ALPK2: variants seen among roughly 807,000 people sequenced by gnomAD.
The protein encoded by ALPK2 is alpha kinase 2.
ALPK2 carries 127 observed loss-of-function variants against 163.1 expected under a neutral mutation model. That is an observed-to-expected ratio of 0.78 (90% CI 0.67 to 0.90). The LOEUF is 0.90. ALPK2 is among the 40% of genes least tolerant of loss of function. The pLI, the probability that ALPK2 is intolerant of heterozygous loss-of-function variation, is 0.00. For synonymous variants in ALPK2, 953 were observed against 959.1 expected (o/e 0.99, Z 0.12); for missense variants, 2,360 against 2,589.6 (o/e 0.91, Z 1.92).
chr18:58,598,948 AGT>A (rs1295944272), intron 3 of ALPK2, among the ~76,000 whole-genome samples: 1 of 152,174 alleles, frequency 6.6e-6, no homozygotes, highest in Non-Finnish European at 1.5e-5. Context: ...GACAGTTTTC[AGT>A]GACAGTACTT....
At chr18:58,586,331 A>C (rs1234025278) in intron 3 of ALPK2, among the ~76,000 whole-genome samples, 1 of 152,220 alleles carries the variant, frequency 6.6e-6, no homozygotes, top group African/African-American at 2.4e-5. Context: ...CAGAGGAAGG[A>C]TCCCTGAAAA....
chr18:58,502,134 CCACACACACACA>C (rs71173056), intron 11 of ALPK2, among the ~76,000 whole-genome samples: 3,933 of 118,826 alleles, frequency 0.033, 88 homozygotes, highest in African/African-American at 0.048. Flanking sequence ...AACCCCATCT[CCACACACACACA>C]CACACACACA....
chr18:58,579,675 A>G lies in ALPK2; in HGVS notation c.1101T>C (p.Gly367=), dbSNP rs769607119. 6.2e-7 allele frequency: 1 copy of G among 1,614,078 alleles called. No individual in the cohort carries two copies. Among genetic ancestry groups the G allele is most frequent in the Admixed American group, 1.7e-5 (1 of 60,006 alleles). ...LESDDEEMEF[G]EHCLGGCEHF... is the part of the protein sequence containing the mutation. The stretch of plus-strand genomic sequence containing the variant: ...GCTCACACCCACCCAGGCAATGCTC[A>G]CCGAATTCCATCTCTTCGTCATCGC... Residue 367 remains glycine, a synonymous_variant, in exon 4 of 13, where the codon GGT becomes GGC. Transcript: ENST00000361673.
intron 4 of ALPK2, among the ~76,000 whole-genome samples, chr18:58,556,568 G>A (rs1462093743): frequency 1.3e-5 from 2 of 152,114 alleles, no homozygotes; most frequent in African/African-American, 4.8e-5. Context: ...GGGTGGTGGA[G>A]CTGGTGGAGG....
rs2051850197 is a variant in ALPK2 at position 58,565,874 on chromosome 18, C to T, written c.1962+12940G>A. 5.3e-5 allele frequency among the ~76,000 whole-genome samples: 8 copies of T among 151,838 alleles called. 1 individual carries two copies. The South Asian group carries it at 8.3e-4, about 16-fold the overall frequency. Reference sequence around the variant, plus strand: ...GTGCAGTGGTGCAACCTCTGCCTCCCGGATTCAAGCAATTCTTCTGCCTCA... The same window carrying T: ...GTGCAGTGGTGCAACCTCTGCCTCCTGGATTCAAGCAATTCTTCTGCCTCA... On this transcript the variant is annotated intron_variant, in intron 4 of 12. Transcript: ENST00000361673.
At chr18:58,603,199 G>A (rs1446650919) in intron 3 of ALPK2, among the ~76,000 whole-genome samples, 1 of 152,158 alleles carries the variant, frequency 6.6e-6, no homozygotes, top group Non-Finnish European at 1.5e-5. Context: ...GTCTGGATTG[G>A]AACCCCTTTT....
At chr18:58,625,476 C>T (rs118027433) in intron 1 of ALPK2, among the ~76,000 whole-genome samples, 2,330 of 152,338 alleles carry the variant, frequency 0.015, 24 homozygotes, top group Non-Finnish European at 0.026. Flanking sequence ...CCCTGGGCCA[C>T]GCCATCAGCA....
chr18:58,609,518 A>G (rs146702262), intron 2 of ALPK2, among the ~76,000 whole-genome samples: 1 of 152,146 alleles, frequency 6.6e-6, no homozygotes, highest in East Asian at 1.9e-4. Context: ...GGGCCTGGGA[A>G]CTCATTCTGA....
At chr18:58,524,682 A>C (rs577459478) in intron 6 of ALPK2, among the ~76,000 whole-genome samples, 1 of 152,344 alleles carries the variant, frequency 6.6e-6, no homozygotes, top group African/African-American at 2.4e-5. Flanking sequence ...TGCACTGAGC[A>C]TTTGGTATGT....
At chr18:58,488,346 C>A (rs1456561499) in intron 12 of ALPK2, among the ~76,000 whole-genome samples, 1 of 150,138 alleles carries the variant, frequency 6.7e-6, no homozygotes, top group South Asian at 2.2e-4. Flanking sequence ...TGCTTAAGAA[C>A]GATTCCTCTC....
intron 3 of ALPK2, among the ~76,000 whole-genome samples, chr18:58,586,567 A>T (rs2051987679): frequency 6.6e-6 from 1 of 152,186 alleles, no homozygotes. Context: ...AGTGAAAACC[A>T]GTAGCCTGGC....
chr18:58,550,009 G>A (rs141005311), intron 4 of ALPK2, among the ~76,000 whole-genome samples: 2 of 152,186 alleles, frequency 1.3e-5, no homozygotes, highest in African/African-American at 4.8e-5. Flanking sequence ...CCTCCCAGTA[G>A]CTCTGAGCAG....
intron 4 of ALPK2, among the ~76,000 whole-genome samples, chr18:58,545,856 A>G (rs2144157987): frequency 6.6e-6 from 1 of 152,262 alleles, no homozygotes; most frequent in South Asian, 2.1e-4. Context: ...CTCTCCAGCC[A>G]TTCTGGGCTG....
At chr18:58,512,954 TTGTATGTGTGGTGTG>T (rs796483368) in intron 10 of ALPK2, among the ~76,000 whole-genome samples, 153 of 124,418 alleles carry the variant, frequency 1.2e-3, no homozygotes, top group African/African-American at 4.3e-3. Flanking sequence ...GGTGTGTGTG[TTGTATGTGTGGTGTG>T]TGTATGTGTG....
chr18:58,503,428 A>ACG (rs1185593191), intron 11 of ALPK2, among the ~76,000 whole-genome samples: 3 of 152,240 alleles, frequency 2.0e-5, no homozygotes, highest in Non-Finnish European at 4.4e-5. Context: ...ACAGTGGCTG[A>ACG]CGCCTGTAAT....
At chr18:58,546,066 T>C (rs559112684) in intron 4 of ALPK2, among the ~76,000 whole-genome samples, 1 of 152,338 alleles carries the variant, frequency 6.6e-6, no homozygotes, top group Non-Finnish European at 1.5e-5. Context: ...AGTTTATTTT[T>C]AGGAGTTGCC....
chr18:58,571,401 G>T (rs767174889), intron 4 of ALPK2, among the ~76,000 whole-genome samples: 1 of 146,764 alleles, frequency 6.8e-6, no homozygotes, highest in African/African-American at 2.5e-5. Flanking sequence ...TCAATAAGTC[G>T]TGCTAGAAAA....
chr18:58,556,828 T>G (rs1045375167), intron 4 of ALPK2, among the ~76,000 whole-genome samples: 3 of 152,216 alleles, frequency 2.0e-5, no homozygotes, highest in Non-Finnish European at 4.4e-5. Flanking sequence ...GTGGCATCCC[T>G]GCCCCAGGGG....
rs1417214445 is a variant in ALPK2 at position 58,576,689 on chromosome 18, AACTTTTTGC to A, written c.1962+2116_1962+2124del. On this transcript the variant is annotated intron_variant, in intron 4 of 12. Coordinates refer to ENST00000361673, the MANE Select transcript of ALPK2 (RefSeq NM_052947.4). ...CAGGTATCTCCTACAACTAAATAGA[AACTTTTTGC>A]GTGGGTAAAAGAATCTCAAATATGC... Among the ~76,000 whole-genome samples, 3 of 152,176 alleles carry A rather than the reference AACTTTTTGC, an allele frequency of 2.0e-5. No individual in the cohort carries two copies. In the East Asian group the frequency reaches 5.8e-4, roughly 29 times the overall value.
Sources: allele counts gnomAD v4.1 joint callset (sites outside exome capture counted in the v4.1 genomes callset), GRCh38; gene constraint gnomAD v4.1.1; transcripts MANE v1.5; gene names NCBI Gene and HGNC (gene_info 2026-07-23, HGNC 2026-07-21).